Variants in KCNMB2 observed in about 807,000 individuals in gnomAD.
KCNMB2 encodes the protein calcium-activated potassium channel subunit beta-2.
Under a neutral mutation model 24.5 loss-of-function variants are expected in KCNMB2, and 9 were observed. The observed-to-expected ratio is 0.37, with a 90% CI of 0.22 to 0.64. KCNMB2 has a LOEUF of 0.64. Ranked by LOEUF, KCNMB2 falls within the 30% of genes least tolerant of loss-of-function variation. The pLI is 0.63. For missense variants in KCNMB2, 226 were observed against 284.3 expected (o/e 0.79, Z 1.47); for synonymous variants, 109 against 104.4 (o/e 1.04, Z -0.27).
chr3:178,678,985 GTTT>G (rs1194175809), intron 1 of KCNMB2, among the ~76,000 whole-genome samples: 6 of 73,860 alleles, frequency 8.1e-5, no homozygotes, highest in African/African-American at 3.5e-4. Context: ...GCTATAATTG[GTTT>G]GTTGTTGTTG....
chr3:178,595,966 G>T lies in KCNMB2; in HGVS notation c.-68+59255G>T, dbSNP rs371927025. Among the ~76,000 whole-genome samples, 74 of 152,138 alleles carry T rather than the reference G, an allele frequency of 4.9e-4. 1 individual carries two copies. The South Asian group carries it at 0.015, about 30-fold the overall frequency. On this transcript the variant is annotated intron_variant, in intron 1 of 4. Coordinates refer to ENST00000452583, the MANE Select transcript of KCNMB2 (RefSeq NM_181361.3). ...TTTAATCACTAGACACCCTCAGGCA[G>T]GGGATCTTGAGCTTTCCGAAGAGGC...
intron 1 of KCNMB2, among the ~76,000 whole-genome samples, chr3:178,615,203 G>A (rs1244726719): frequency 6.6e-6 from 1 of 152,174 alleles, no homozygotes; most frequent in Admixed American, 6.5e-5. Flanking sequence ...GCACTACAAT[G>A]ACTGCACTGG....
At chr3:178,659,225 G>A (rs1226587096) in intron 1 of KCNMB2, among the ~76,000 whole-genome samples, 1 of 152,236 alleles carries the variant, frequency 6.6e-6, no homozygotes, top group Non-Finnish European at 1.5e-5. Context: ...GAAAATCACA[G>A]AAGCATTATA....
chr3:178,762,892 C>G (rs1032104500), intron 1 of KCNMB2, among the ~76,000 whole-genome samples: 1 of 147,004 alleles, frequency 6.8e-6, no homozygotes, highest in African/African-American at 2.5e-5. Context: ...GGAAAGTAAT[C>G]AGAGTCCTGT....
chr3:178,826,344 A>G (rs1480709494), intron 3 of KCNMB2, among the ~76,000 whole-genome samples: 2 of 152,238 alleles, frequency 1.3e-5, no homozygotes, highest in African/African-American at 4.8e-5. Flanking sequence ...AGTCACCAGT[A>G]TCTATTAAAG....
At chr3:178,686,047 A>T (rs12631881) in intron 1 of KCNMB2, among the ~76,000 whole-genome samples, 21,205 of 149,176 alleles carry the variant, frequency 0.14, 1,756 homozygotes, top group Admixed American at 0.22. Flanking sequence ...TGTGTGTGTG[A>T]GAGAGAGAGA....
chr3:178,810,502 A>C (rs187004360), intron 2 of KCNMB2, among the ~76,000 whole-genome samples: 1 of 152,208 alleles, frequency 6.6e-6, no homozygotes, highest in East Asian at 1.9e-4. Flanking sequence ...TGGAAGGAAA[A>C]GTTCACTGAA....
intron 1 of KCNMB2, among the ~76,000 whole-genome samples, chr3:178,792,776 T>C (rs1408833488): frequency 6.6e-6 from 1 of 152,250 alleles, no homozygotes; most frequent in Non-Finnish European, 1.5e-5. Context: ...GCTATTCTTA[T>C]ATTGTATGAA....
At chr3:178,802,857 A>T (rs561146555) in intron 1 of KCNMB2, among the ~76,000 whole-genome samples, 67 of 152,312 alleles carry the variant, frequency 4.4e-4, no homozygotes, top group African/African-American at 1.6e-3. Flanking sequence ...CTTTTCCTCT[A>T]TTGAGTGCCA....
intron 1 of KCNMB2, among the ~76,000 whole-genome samples, chr3:178,628,597 G>A (rs1014171207): frequency 3.4e-4 from 52 of 152,208 alleles, no homozygotes; most frequent in African/African-American, 7.2e-5. Context: ...ATCCAGCTCC[G>A]GGTGTGAGTT....
chr3:178,618,005 G>A (rs564247766), intron 1 of KCNMB2, among the ~76,000 whole-genome samples: 2 of 150,002 alleles, frequency 1.3e-5, no homozygotes, highest in Admixed American at 1.3e-4. Flanking sequence ...ATCATATGCA[G>A]ATAGATAGAT....
chr3:178,727,180 T>C (rs549199406), intron 1 of KCNMB2, among the ~76,000 whole-genome samples: 1 of 152,134 alleles, frequency 6.6e-6, no homozygotes, highest in Non-Finnish European at 1.5e-5. Flanking sequence ...TCAATGTTCT[T>C]GAATCTACGT....
At chr3:178,611,523 T>C (rs1162369143) in intron 1 of KCNMB2, among the ~76,000 whole-genome samples, 2 of 152,078 alleles carry the variant, frequency 1.3e-5, no homozygotes, top group African/African-American at 4.8e-5. Context: ...GCCAACATGA[T>C]GAAACCCCGT....
At chr3:178,553,427 A>C (rs902186190) in intron 1 of KCNMB2, among the ~76,000 whole-genome samples, 1 of 152,178 alleles carries the variant, frequency 6.6e-6, no homozygotes, top group African/African-American at 2.4e-5. Flanking sequence ...TGGACAAACC[A>C]CTCAAATGCA....
chr3:178,639,904 G>A (rs1479843467), intron 1 of KCNMB2, among the ~76,000 whole-genome samples: 2 of 152,102 alleles, frequency 1.3e-5, no homozygotes, highest in East Asian at 1.9e-4. Flanking sequence ...TATTATTTCT[G>A]TATGGAGTGA....
chr3:178,592,452 G>A (rs1176899851), intron 1 of KCNMB2, among the ~76,000 whole-genome samples: 1 of 151,918 alleles, frequency 6.6e-6, no homozygotes, highest in Non-Finnish European at 1.5e-5. Context: ...CTTAAGGAAT[G>A]ATGCGTATGT....
In KCNMB2 at chr3:178,712,953, C is replaced by A. The variant is rs532304861; in HGVS notation, c.-67-94390C>A. 5.3e-5 allele frequency among the ~76,000 whole-genome samples: 8 copies of A among 152,328 alleles called. No homozygotes were observed. The South Asian group carries it at 1.5e-3, about 28-fold the overall frequency. On this transcript the variant is annotated intron_variant, in intron 1 of 4. Coordinates refer to ENST00000452583, the MANE Select transcript of KCNMB2 (RefSeq NM_181361.3). ...GTTAAAGCAACTGGCAAACTCATAG[C>A]CCTAGCCCACAGGGGGCTGGAAACA... is the stretch of plus-strand genomic sequence containing the variant.
At chr3:178,665,080 G>A (rs902852946) in intron 1 of KCNMB2, among the ~76,000 whole-genome samples, 3 of 152,032 alleles carry the variant, frequency 2.0e-5, no homozygotes, top group East Asian at 1.9e-4. Flanking sequence ...CCCAAAAGGT[G>A]TAAAATTCAT....
At chr3:178,740,192 C>T (rs1334246855) in intron 1 of KCNMB2, among the ~76,000 whole-genome samples, 1 of 151,750 alleles carries the variant, frequency 6.6e-6, no homozygotes, top group African/African-American at 2.4e-5. Flanking sequence ...GATCTCAGCT[C>T]ACTGTAAGCT....
Sources: allele counts gnomAD v4.1 joint callset (sites outside exome capture counted in the v4.1 genomes callset), GRCh38; gene constraint gnomAD v4.1.1; transcripts MANE v1.5; gene names NCBI Gene and HGNC (gene_info 2026-07-23, HGNC 2026-07-21).